ABL1: variants seen among roughly 807,000 people sequenced by gnomAD.
ABL1 encodes the protein ABL proto-oncogene 1, non-receptor tyrosine kinase, also known as tyrosine-protein kinase ABL1.
In ABL1, 11 loss-of-function variants were observed where a neutral mutation model predicts 94.7. That is an observed-to-expected ratio of 0.12 (90% CI 0.07 to 0.19). ABL1 has a LOEUF of 0.19. Among genes scored for constraint, ABL1 ranks in the 10% least tolerant of loss-of-function variants. ABL1 has a pLI of 1.00. For missense variants in ABL1, 1,082 were observed against 1,489.4 expected, an observed-to-expected ratio of 0.73 and a Z score of 4.50; for synonymous variants, 656 against 622.4, an observed-to-expected ratio of 1.05 and a Z score of -0.80.
At chr9:130,727,489 G>T (rs1205835948) in intron 1 of ABL1, among the ~76,000 whole-genome samples, 3 of 151,992 alleles carry the variant, frequency 2.0e-5, no homozygotes, top group African/African-American at 4.8e-5. Context: ...TCCGCCGGGC[G>T]TGGTGGCACA....
intron 1 of ABL1, among the ~76,000 whole-genome samples, chr9:130,743,475 T>C (rs1831845860): frequency 6.6e-6 from 1 of 152,230 alleles, no homozygotes; most frequent in Non-Finnish European, 1.5e-5. Context: ...ATGTCAATTC[T>C]AATTTGGTCC....
intron 1 of ABL1, among the ~76,000 whole-genome samples, chr9:130,813,553 T>TC (rs1266315578): frequency 1.0e-5 from 1 of 96,266 alleles, no homozygotes; most frequent in Non-Finnish European, 1.8e-5. Flanking sequence ...AGAGCGAGAC[T>TC]CCATCTCCAA....
At position 130,886,884 on chromosome 9, in the gene ABL1, A is replaced by C. The variant is rs1490000350; in HGVS notation, c.*1201A>C. On this transcript the variant is annotated 3_prime_UTR_variant, in exon 11 of 11. Coordinates refer to ENST00000318560, the MANE Select transcript of ABL1 (RefSeq NM_005157.6). ...CTGGCTGCACTCTTGAACTGGGCGA[A>C]TGTCTTATTTAATTACCGTGAGTGA... The C allele has an allele frequency of 4.3e-6, 1 of 232,526 alleles. No homozygotes were observed. Among genetic ancestry groups the C allele is most frequent in the African/African-American group, 2.2e-5 (1 of 45,274 alleles). 14.4% of individuals were successfully genotyped at this position (232,526 alleles called of 1,614,324 possible). A position where few individuals can be genotyped will look rare whatever the true frequency, so the allele number is the denominator to read the frequency against.
intron 1 of ABL1, among the ~76,000 whole-genome samples, chr9:130,821,210 G>A (rs910619502): frequency 6.6e-6 from 1 of 151,998 alleles, no homozygotes; most frequent in African/African-American, 2.4e-5. Context: ...GATTACAGGC[G>A]TGAGCCACCG....
intron 1 of ABL1, among the ~76,000 whole-genome samples, chr9:130,816,940 G>T (rs1457407985): frequency 1.3e-5 from 2 of 152,076 alleles, no homozygotes; most frequent in African/African-American, 4.8e-5. Flanking sequence ...CTGAACCTCA[G>T]GTGATTCCCC....
chr9:130,878,611 C>T, intron 8 of ABL1, 44 bp downstream of exon 8: 1 of 1,603,526 alleles, frequency 6.2e-7, no homozygotes, highest in African/African-American at 1.3e-5. Flanking sequence ...TGTGGGCATT[C>T]CAGGAAATTC....
At chr9:130,717,736 G>T (rs558968158) in intron 1 of ABL1, among the ~76,000 whole-genome samples, 2 of 147,852 alleles carry the variant, frequency 1.4e-5, no homozygotes, top group Non-Finnish European at 3.0e-5. Flanking sequence ...TGGCTAGGCC[G>T]GGCACAGTGG....
intron 1 of ABL1, among the ~76,000 whole-genome samples, chr9:130,826,656 A>C (rs111714224): frequency 6.5e-4 from 99 of 152,302 alleles, no homozygotes; most frequent in Non-Finnish European, 1.1e-3. Flanking sequence ...ATGAGGCCTG[A>C]AGCTGAAATC....
At position 130,850,586 on chromosome 9, in the gene ABL1, A is replaced by C. The variant is rs547847457; in HGVS notation, c.80-3478A>C. Among the ~76,000 whole-genome samples, 117 of 152,260 alleles carry C rather than the reference A, an allele frequency of 7.7e-4. 1 individual carries two copies. The highest frequency in any genetic ancestry group is 6.8e-3 in the Middle Eastern group (2 of 294). The stretch of plus-strand genomic sequence containing the variant: ...CAGTGGCATGATCTCAGCTTACTAC[A>C]ACCTCTGCCTCCTGTGTTCAAGCGA... On this transcript the variant is annotated intron_variant, in intron 1 of 10. Transcript: ENST00000318560.
chr9:130,799,642 G>T (rs575410795), intron 1 of ABL1, among the ~76,000 whole-genome samples: 1 of 152,220 alleles, frequency 6.6e-6, no homozygotes, highest in East Asian at 1.9e-4. Flanking sequence ...AGTGCTTGAG[G>T]CATTGTAAGT....
rs3739515 is a variant in ABL1, at chr9:130,887,046, G to A, written c.*1363G>A. The A allele has an allele frequency of 0.072, 16,750 of 232,818 alleles. 692 individuals carry two copies. Among genetic ancestry groups the A allele is most frequent in the South Asian group, 0.11 (592 of 5,520 alleles). 14.4% of individuals were successfully genotyped at this position (232,818 alleles called of 1,614,324 possible). ...CTGCCCCAGGCCGGAGCCCAGATAC[G>A]GGGGCTGTGACTCTGGGCAGGGACC... On this transcript the variant is annotated 3_prime_UTR_variant, in exon 11 of 11. Coordinates refer to ENST00000318560, the MANE Select transcript of ABL1 (RefSeq NM_005157.6).
At position 130,749,670 on chromosome 9, in the gene ABL1, G is replaced by C. The variant is rs34347921; in HGVS notation, c.136+35215G>C. ...TCTGTTTCTCCATCTGTTGAATGAG[G>C]CTGGTGATAGACTCTTTCTTTGCTC... On this transcript the variant is annotated intron_variant, in intron 1 of 10. Coordinates refer to the ABL1 transcript ENST00000372348. 8.0e-3 allele frequency among the ~76,000 whole-genome samples: 1,222 copies of C among 152,292 alleles called. 14 individuals are homozygous for C. The highest frequency in any genetic ancestry group is 0.027 in the African/African-American group (1,141 of 41,566).
rs1003322722 is a variant in ABL1, at chr9:130,885,574, G to A, written c.3284G>A (p.Arg1095Gln). The A allele has an allele frequency of 5.6e-6, 9 of 1,613,946 alleles. No individual in the cohort carries two copies. The highest frequency in any genetic ancestry group is 4.5e-5 in the East Asian group (2 of 44,884). Residue 1095 changes from arginine (R) to glutamine (Q), a missense_variant, in exon 11 of 11, where the codon CGG becomes CAG. Transcript: ENST00000318560. Reference sequence around the variant, plus strand: ...ATCAACAAACTGGAGAATAATCTCCGGGAGCTTCAGATCTGCCCGGCGACA... The same window carrying A: ...ATCAACAAACTGGAGAATAATCTCCAGGAGCTTCAGATCTGCCCGGCGACA... The part of the protein sequence containing the change: ...EAINKLENNL[R>Q]ELQICPATAG...
Position 130,855,239 on chromosome 9 carries a change from C to G in ABL1, c.549+143C>G. On this transcript the variant is annotated intron_variant, in intron 3 of 10. Transcript: ENST00000318560. The stretch of plus-strand genomic sequence containing the variant: ...TTCAGGTGGGAGTCATTCCATTAGC[C>G]TTATGAAGACCCTTTATTGAGGATC... 2.9e-5 allele frequency: 26 copies of G among 908,316 alleles called. No individual in the cohort carries two copies. The South Asian group carries it at 4.0e-4, about 14-fold the overall frequency. The allele number at this position is 908,316 out of a possible 1,614,324, so 56.3% of individuals were successfully genotyped here. A position where few individuals can be genotyped will look rare whatever the true frequency, so the allele number is the denominator to read the frequency against.
chr9:130,850,616 C>T (rs771227495), intron 1 of ABL1, among the ~76,000 whole-genome samples: 3 of 152,184 alleles, frequency 2.0e-5, no homozygotes, highest in Admixed American at 6.5e-5. Context: ...AAGCGATTCT[C>T]GTGCCTCAGC....
intron 1 of ABL1, among the ~76,000 whole-genome samples, chr9:130,823,823 T>A (rs964002137): frequency 1.3e-5 from 2 of 152,066 alleles, no homozygotes; most frequent in Non-Finnish European, 2.9e-5. Context: ...GGCCTAAAAC[T>A]TAGGGATTGA....
upstream of ABL1, chr9:130,835,096 C>T (rs1408908957): frequency 3.7e-6 from 1 of 271,306 alleles, no homozygotes; most frequent in African/African-American, 2.4e-5. This position sits in a 1 kb window ranked among gnomAD's most constrained non-coding sequence, Gnocchi z 4.6. Flanking sequence ...CGCCATTGGC[C>T]CGGGTTGGCT....
rs60206110 is a variant in ABL1, at chr9:130,751,129, C to CTTTTTTTTT, written c.136+36696_136+36704dup. Among the ~76,000 whole-genome samples, 144 of 57,482 alleles carry CTTTTTTTTT rather than the reference C, an allele frequency of 2.5e-3. 36 individuals carry two copies. The highest frequency in any genetic ancestry group is 9.6e-3 in the East Asian group (14 of 1,452). The allele number at this position is 57,482 out of a possible 152,430, so 37.7% of individuals were successfully genotyped here. On this transcript the variant is annotated intron_variant, in intron 1 of 10. Coordinates refer to the ABL1 transcript ENST00000372348. Reference sequence around the variant, plus strand: ...TTTGAAACTTGTTTTTTTTATTCAGCTTTTTTTTTTTTTTTTTTTTTTTTT... The same window carrying CTTTTTTTTT: ...TTTGAAACTTGTTTTTTTTATTCAGCTTTTTTTTTTTTTTTTTTTTTTTTTTTTTTTTTT...
chr9:130,873,405 C>A (rs1354570614), intron 6 of ABL1, among the ~76,000 whole-genome samples: 1 of 152,238 alleles, frequency 6.6e-6, no homozygotes. Context: ...TCCTCCGGGG[C>A]CAGCGCCCAG....
Sources: gnomAD v4.1 joint callset for allele counts (sites outside exome capture counted in the v4.1 genomes callset) on GRCh38, gnomAD v4.1.1 for gene constraint, Gnocchi (gnomAD v3.1) non-coding constraint, MANE v1.5 for transcripts, NCBI Gene and HGNC (gene_info 2026-07-23, HGNC 2026-07-21) for gene names.